Variants in PCDHA11 observed in about 807,000 individuals in gnomAD.
PCDHA11 encodes protocadherin alpha-11.
In PCDHA11, 61 loss-of-function variants were observed where a neutral mutation model predicts 70.3. The observed-to-expected ratio is 0.87, with a 90% confidence interval of 0.71 to 1.07. PCDHA11 has a LOEUF of 1.07. PCDHA11 is among the 50% of genes least tolerant of loss of function. The pLI is 0.00. For missense variants in PCDHA11, 1,324 were observed against 1,237.5 expected, an observed-to-expected ratio of 1.07 and a Z score of -1.05; for synonymous variants, 633 against 555.1, an observed-to-expected ratio of 1.14 and a Z score of -1.97.
At chr5:140,979,175 A>C in intron 2 of PCDHA11, 168 bp downstream of exon 2, 8 of 951,628 alleles carry the variant, frequency 8.4e-6, no homozygotes, top group Non-Finnish European at 1.0e-5. Flanking sequence ...AAAGATCGCA[A>C]ATGGTCAGTG....
Position 140,928,756 on chromosome 5 carries a change from C to T in PCDHA11, c.2392-50193C>T. 2.5e-6 allele frequency: 4 copies of T among 1,614,164 alleles called. No individual in the cohort carries two copies. The highest frequency in any genetic ancestry group is 3.4e-6 in the Non-Finnish European group (4 of 1,180,032). On this transcript the variant is annotated intron_variant, in intron 1 of 3. Transcript: ENST00000398640. The stretch of plus-strand genomic sequence containing the variant: ...CAATATAGGTGAGCTCCGTACTGCT[C>T]GCTTAGTTCTTCCCACTGATGCAGT...
chr5:140,883,817 G>A, intron 1 of PCDHA11: 1 of 1,612,636 alleles, frequency 6.2e-7, no homozygotes, highest in Non-Finnish European at 8.5e-7. Context: ...GAGCGGCAAG[G>A]TGTACGCGCT....
At chr5:140,883,773 G>C (rs1362933627) in intron 1 of PCDHA11, 11 of 1,612,372 alleles carry the variant, frequency 6.8e-6, no homozygotes, top group Non-Finnish European at 9.3e-6. Context: ...GTGGGCGAGC[G>C]TGCGCTGTCG....
rs573174481 is a variant in PCDHA11 at position 140,990,482 on chromosome 5, T to C, written c.2539+7919T>C. Among the ~76,000 whole-genome samples, 3 of 152,318 alleles carry C rather than the reference T, an allele frequency of 2.0e-5. No homozygotes were observed. In the South Asian group the frequency reaches 6.2e-4, roughly 32 times the overall value. On this transcript the variant is annotated intron_variant, in intron 3 of 3. Transcript: ENST00000398640. ...AGGTGGTATCATGTATCAAGCTGAA[T>C]AGTGAGGTGACATTCCCCAAGTCTT... is the stretch of plus-strand genomic sequence containing the variant.
At chr5:141,000,899 C>T (rs1013993633) in intron 3 of PCDHA11, among the ~76,000 whole-genome samples, 18 of 151,966 alleles carry the variant, frequency 1.2e-4, no homozygotes, top group African/African-American at 2.7e-4. Flanking sequence ...CAGATATAGA[C>T]GCTGTCTCTA....
Position 140,877,064 on chromosome 5 carries a change from T to C in PCDHA11, c.2391+5570T>C, listed in dbSNP as rs2056824961. On this transcript the variant is annotated intron_variant, in intron 1 of 3. Coordinates refer to ENST00000398640, the MANE Select transcript of PCDHA11 (RefSeq NM_018902.5). ...CTAGACCACGAGGAGCTGGAGCTGC[T>C]GCAGTTCCAGGTGAGCGCGCGCGAC... is the stretch of plus-strand genomic sequence containing the variant. The C allele has an allele frequency of 6.2e-7, 1 of 1,612,896 alleles. No homozygotes were observed. Among genetic ancestry groups the C allele is most frequent in the Non-Finnish European group, 8.5e-7 (1 of 1,179,856 alleles).
At chr5:140,920,960 A>C (rs1554200006) in intron 1 of PCDHA11, among the ~76,000 whole-genome samples, 1 of 151,930 alleles carries the variant, frequency 6.6e-6, no homozygotes, top group Admixed American at 6.6e-5. Flanking sequence ...CTACACATGT[A>C]GTACTAGAGT....
intron 1 of PCDHA11, among the ~76,000 whole-genome samples, chr5:140,969,746 T>C (rs1353204080): frequency 6.6e-6 from 1 of 152,224 alleles, no homozygotes; most frequent in African/African-American, 2.4e-5. Context: ...ATGAGTGATG[T>C]TTCTTAAAAA....
chr5:140,989,563 C>A (rs1399360475), intron 3 of PCDHA11, among the ~76,000 whole-genome samples: 1 of 152,118 alleles, frequency 6.6e-6, no homozygotes, highest in Non-Finnish European at 1.5e-5. Flanking sequence ...TTTTGTGGCT[C>A]CGGCAAGCCC....
At chr5:140,993,407 C>T (rs2097554546) in intron 3 of PCDHA11, among the ~76,000 whole-genome samples, 1 of 151,550 alleles carries the variant, frequency 6.6e-6, no homozygotes, top group African/African-American at 2.4e-5. Context: ...TAACCACCTT[C>T]ATCAGCATTT....
Position 140,893,828 on chromosome 5 carries a change from C to T in PCDHA11, c.2391+22334C>T, listed in dbSNP as rs144587014. Among the ~76,000 whole-genome samples the T allele has an allele frequency of 1.9e-3, 290 of 152,282 alleles. 1 individual carries two copies. Among genetic ancestry groups the T allele is most frequent in the African/African-American group, 6.6e-3 (275 of 41,556 alleles). ...CTTGAGTCTGGTACCGTAGACTACT[C>T]AGCCATCCTGATGCCCTACCTCTTG... On this transcript the variant is annotated intron_variant, in intron 1 of 3. Coordinates refer to ENST00000398640, the MANE Select transcript of PCDHA11 (RefSeq NM_018902.5).
At chr5:140,877,103 C>T (rs782607272) in intron 1 of PCDHA11, 7 of 1,613,552 alleles carry the variant, frequency 4.3e-6, no homozygotes, top group Non-Finnish European at 5.9e-6. Flanking sequence ...GGCGTGCCGC[C>T]TCTGGGCAGC....
chr5:140,920,747 G>A (rs565649077), intron 1 of PCDHA11, among the ~76,000 whole-genome samples: 10 of 152,052 alleles, frequency 6.6e-5, no homozygotes, highest in African/African-American at 2.4e-4. Context: ...AGGAGGCTGA[G>A]GCAGGAGAAT....
Position 141,012,299 on chromosome 5 carries a change from A to G in PCDHA11, c.*2362A>G, listed in dbSNP as rs1554263904. 1 of 153,754 alleles carries G rather than the reference A, an allele frequency of 6.5e-6. No homozygotes were observed. Among genetic ancestry groups the G allele is most frequent in the African/African-American group, 2.4e-5 (1 of 41,456 alleles). The allele number at this position is 153,754 out of a possible 1,614,324, so 9.5% of individuals were successfully genotyped here. A position where few individuals can be genotyped will look rare whatever the true frequency, so the allele number is the denominator to read the frequency against. ...TGTGGATTCATTTTGAATTGGTGCT[A>G]TTGGTATTTCCTCTGTTATTGCTAA... On this transcript the variant is annotated 3_prime_UTR_variant, in exon 4 of 4. Transcript: ENST00000398640.
intron 1 of PCDHA11, chr5:140,967,393 G>A (rs1437861925): frequency 1.2e-6 from 2 of 1,609,910 alleles, no homozygotes; most frequent in African/African-American, 2.7e-5. Flanking sequence ...TGCTTGAGCT[G>A]GTGCTGCGTA....
At chr5:140,909,582 T>G (rs1407869706) in intron 1 of PCDHA11, among the ~76,000 whole-genome samples, 1 of 152,298 alleles carries the variant, frequency 6.6e-6, no homozygotes, top group Non-Finnish European at 1.5e-5. Flanking sequence ...TGTGATATGT[T>G]TTTTGATTTA....
At chr5:140,877,172 C>A (rs371577720) in intron 1 of PCDHA11, 1 of 1,613,818 alleles carries the variant, frequency 6.2e-7, no homozygotes. Flanking sequence ...GCACTGCTGG[C>A]GACTCCGGCT....
chr5:140,871,308 G>GC lies in PCDHA11; in HGVS notation c.2208dup (p.Thr737HisfsTer24), dbSNP rs2052955236. On this transcript the variant is annotated frameshift_variant, in exon 1 of 4. Transcript: ENST00000398640. LOFTEE classifies it high-confidence loss of function. ...CTGAGGGCGCGTGCGCGCCGGGGAA[G>GC]CCCACGCTGGTGTGCTCCCGCGCGG... 6.2e-7 allele frequency: 1 copy of GC among 1,613,880 alleles called. No individual in the cohort carries two copies.
chr5:140,883,951 C>T (rs782324778), intron 1 of PCDHA11: 7 of 1,613,222 alleles, frequency 4.3e-6, no homozygotes, highest in African/African-American at 2.7e-5. Flanking sequence ...AGAACGACAA[C>T]GCTCCGGCGC....
Sources: allele counts gnomAD v4.1 joint callset (sites outside exome capture counted in the v4.1 genomes callset), GRCh38; gene constraint gnomAD v4.1.1; transcripts MANE v1.5; gene names NCBI Gene and HGNC (gene_info 2026-07-23, HGNC 2026-07-21).